Variants in SLC35G2 observed in about 807,000 individuals in gnomAD.
SLC35G2 encodes transmembrane protein 22.
A neutral mutation model predicts 27.2 loss-of-function variants in SLC35G2; 20 were observed. That is an observed-to-expected ratio of 0.74 (90% confidence interval 0.52 to 1.07). The LOEUF is 1.07. Ranked by LOEUF, SLC35G2 falls within the 50% of genes least tolerant of loss-of-function variation. The pLI, the probability that SLC35G2 is intolerant of heterozygous loss-of-function variation, is 0.00. For synonymous variants in SLC35G2, 148 were observed against 165.3 expected, an observed-to-expected ratio of 0.90 and a Z score of 0.80; for missense variants, 416 against 493.3, an observed-to-expected ratio of 0.84 and a Z score of 1.48.
In SLC35G2 at chr3:136,855,725, A is replaced by G. The variant is rs1339477134; in HGVS notation, c.*26A>G. ...ATACCTGATTATTATTGTCTCATTA[A>G]TGTTCAGTTATTATGTATACTGCCA... On this transcript the variant is annotated 3_prime_UTR_variant, in exon 2 of 2. Coordinates refer to ENST00000446465, the MANE Select transcript of SLC35G2 (RefSeq NM_025246.3). 3.4e-6 allele frequency: 5 copies of G among 1,480,576 alleles called. No homozygotes were observed. The highest frequency in any genetic ancestry group is 1.7e-5 in the African/African-American group (1 of 57,214). The allele number at this position is 1,480,576 out of a possible 1,614,324, so 91.7% of individuals were successfully genotyped here. A position where few individuals can be genotyped will look rare whatever the true frequency, so the allele number is the denominator to read the frequency against.
intron 1 of SLC35G2, among the ~76,000 whole-genome samples, chr3:136,850,249 C>T (rs1274904805): frequency 6.6e-6 from 1 of 152,200 alleles, no homozygotes; most frequent in East Asian, 1.9e-4. Context: ...AGTTGCCATA[C>T]ACCGCAGAAT....
chr3:136,849,035 C>T (rs566565301), intron 1 of SLC35G2, among the ~76,000 whole-genome samples: 16 of 151,878 alleles, frequency 1.1e-4, no homozygotes, highest in African/African-American at 2.7e-4. Flanking sequence ...CAAAATTAGC[C>T]GGGCGTGGTG....
chr3:136,828,688 A>G (rs1936649107), intron 1 of SLC35G2, among the ~76,000 whole-genome samples: 1 of 152,186 alleles, frequency 6.6e-6, no homozygotes, highest in Non-Finnish European at 1.5e-5. Context: ...TTTTTAATCC[A>G]TTCAGCCAGT....
In SLC35G2 at chr3:136,854,854, C is replaced by CCAT. The variant is rs747813126; in HGVS notation, c.396_398dup (p.Ser133dup). On this transcript the variant is annotated inframe_insertion, in exon 2 of 2. Transcript: ENST00000446465. Reference sequence around the variant, plus strand: ...GCTTGTTTCTGATCGGTCTAAAGTTCCATCTCTAGAACTGATTTTTATCCG... The same window carrying CCAT: ...GCTTGTTTCTGATCGGTCTAAAGTTCCATCATCTCTAGAACTGATTTTTATCCG... 5 of 1,614,064 alleles carry CCAT rather than the reference C, an allele frequency of 3.1e-6. No individual in the cohort carries two copies. The highest frequency in any genetic ancestry group is 4.2e-6 in the Non-Finnish European group (5 of 1,180,030).
chr3:136,831,560 T>G (rs1936729737), intron 1 of SLC35G2, among the ~76,000 whole-genome samples: 1 of 152,216 alleles, frequency 6.6e-6, no homozygotes, highest in African/African-American at 2.4e-5. Context: ...GAAAGTGTTC[T>G]AGAATCCAGA....
chr3:136,832,594 C>A (rs575433367), intron 1 of SLC35G2, among the ~76,000 whole-genome samples: 80 of 152,346 alleles, frequency 5.3e-4, no homozygotes, highest in African/African-American at 1.8e-3. Flanking sequence ...TCTTGTCTCT[C>A]ATAATGTCTT....
At chr3:136,824,729 G>A (rs1337629562) in intron 1 of SLC35G2, among the ~76,000 whole-genome samples, 1 of 152,038 alleles carries the variant, frequency 6.6e-6, no homozygotes, top group Non-Finnish European at 1.5e-5. Context: ...TTTCCAGTTT[G>A]GATGTCCTTT....
At chr3:136,847,416 G>T (rs963239820) in intron 1 of SLC35G2, among the ~76,000 whole-genome samples, 1 of 152,106 alleles carries the variant, frequency 6.6e-6, no homozygotes, top group African/African-American at 2.4e-5. Flanking sequence ...GCAACCAAGA[G>T]AATTTTGGTG....
At position 136,824,108 on chromosome 3, in the gene SLC35G2, G is replaced by A. The variant is rs778046680; in HGVS notation, c.-19+4480G>A. 8.7e-4 allele frequency among the ~76,000 whole-genome samples: 133 copies of A among 152,132 alleles called. 2 individuals carry two copies. The highest frequency in any genetic ancestry group is 1.1e-3 in the Non-Finnish European group (72 of 68,028). On this transcript the variant is annotated intron_variant, in intron 1 of 1. Coordinates refer to ENST00000446465, the MANE Select transcript of SLC35G2 (RefSeq NM_025246.3). ...TCTGTTTTTATGCCAGTACCATGCT[G>A]TTTTGGTTACTATAGCTCTGTAGTA...
At chr3:136,841,061 C>T (rs1048289431) in intron 1 of SLC35G2, among the ~76,000 whole-genome samples, 2 of 149,914 alleles carry the variant, frequency 1.3e-5, no homozygotes, top group Non-Finnish European at 3.0e-5. Context: ...CTCCTGAGCT[C>T]AAAGTGATCT....
intron 1 of SLC35G2, among the ~76,000 whole-genome samples, chr3:136,828,986 A>C (rs1186173954): frequency 2.0e-5 from 3 of 152,192 alleles, no homozygotes; most frequent in Non-Finnish European, 4.4e-5. Flanking sequence ...AGATTGCATA[A>C]ACATGCAAAA....
chr3:136,829,067 A>T (rs1936658606), intron 1 of SLC35G2, among the ~76,000 whole-genome samples: 1 of 152,148 alleles, frequency 6.6e-6, no homozygotes, highest in Non-Finnish European at 1.5e-5. Flanking sequence ...GTTTCTCTTT[A>T]CATCTATTGT....
At chr3:136,826,846 C>T (rs1936597414) in intron 1 of SLC35G2, among the ~76,000 whole-genome samples, 1 of 151,866 alleles carries the variant, frequency 6.6e-6, no homozygotes, top group Non-Finnish European at 1.5e-5. Context: ...ACCATGTTGC[C>T]CAGGCTGGTC....
intron 1 of SLC35G2, among the ~76,000 whole-genome samples, chr3:136,832,611 G>C (rs1936757758): frequency 6.6e-6 from 1 of 152,148 alleles, no homozygotes; most frequent in Admixed American, 6.5e-5. Context: ...TCTTAGCATG[G>C]TGCCTTCCAC....
chr3:136,835,081 C>A (rs1406539), intron 1 of SLC35G2, among the ~76,000 whole-genome samples: 115,708 of 152,136 alleles, frequency 0.76, 44,304 homozygotes, highest in East Asian at 0.92. Flanking sequence ...TCAGAAATTT[C>A]ACATTGATAT....
At chr3:136,831,199 G>GAT (rs1346725735) in intron 1 of SLC35G2, among the ~76,000 whole-genome samples, 1 of 152,180 alleles carries the variant, frequency 6.6e-6, no homozygotes, top group Non-Finnish European at 1.5e-5. Context: ...ACAACAGCTA[G>GAT]ATACTCACAT....
chr3:136,853,716 C>T (rs1439412778), intron 1 of SLC35G2, among the ~76,000 whole-genome samples: 1 of 152,136 alleles, frequency 6.6e-6, no homozygotes. Context: ...CTTATTCCCC[C>T]CCTTTTTTAT....
rs1355748646 is a variant in SLC35G2, at chr3:136,855,159, T to C, written c.699T>C (p.Val233=). ...MATVVCSILG[V]CLVMIPNIVD... ...CAGTTGTTTGCAGCATCTTAGGTGT[T>C]TGTCTTGTCATGATCCCAAACATTG... Residue 233 remains valine, a synonymous_variant, in exon 2 of 2, where the codon GTT becomes GTC. Coordinates refer to ENST00000446465, the MANE Select transcript of SLC35G2 (RefSeq NM_025246.3). The C allele has an allele frequency of 6.2e-7, 1 of 1,614,174 alleles. No homozygotes were observed. The highest frequency in any genetic ancestry group is 8.5e-7 in the Non-Finnish European group (1 of 1,180,030).
intron 1 of SLC35G2, among the ~76,000 whole-genome samples, chr3:136,834,603 T>G (rs1174471489): frequency 2.6e-5 from 4 of 152,196 alleles, no homozygotes. Flanking sequence ...GTTCTGGGAT[T>G]ACAGGTATGA....
Sources: gnomAD v4.1 joint callset for allele counts (sites outside exome capture counted in the v4.1 genomes callset) on GRCh38, gnomAD v4.1.1 for gene constraint, MANE v1.5 for transcripts, NCBI Gene and HGNC (gene_info 2026-07-23, HGNC 2026-07-21) for gene names.